The following KCNJ3 variants were observed in gnomAD, a reference collection of about 807,000 sequenced individuals.
The protein encoded by KCNJ3 is G protein-activated inward rectifier potassium channel 1.
KCNJ3 carries 4 observed loss-of-function variants against 39.2 expected under a neutral mutation model. The ratio of observed to expected loss-of-function variants is 0.10; its 90% CI spans 0.05 to 0.23. The LOEUF is 0.23. Among genes scored for constraint, KCNJ3 ranks in the 10% least tolerant of loss-of-function variants. The pLI is 1.00. For missense variants in KCNJ3, 276 were observed against 634.9 expected (o/e 0.43, Z 6.08); for synonymous variants, 230 against 237.4 (o/e 0.97, Z 0.29).
intron 2 of KCNJ3, among the ~76,000 whole-genome samples, chr2:154,746,662 G>T (rs1473459636): frequency 6.7e-6 from 1 of 149,516 alleles, no homozygotes; most frequent in Non-Finnish European, 1.5e-5. Context: ...GTGTGTGTGT[G>T]TGTGTGTGTG....
intron 2 of KCNJ3, among the ~76,000 whole-genome samples, chr2:154,812,820 C>A (rs1014911710): frequency 7.2e-5 from 11 of 152,010 alleles, no homozygotes; most frequent in African/African-American, 2.7e-4. Context: ...TTTGCTAGGT[C>A]ATATGTCAAA....
chr2:154,764,429 A>G (rs1259044832), intron 2 of KCNJ3, among the ~76,000 whole-genome samples: 1 of 152,208 alleles, frequency 6.6e-6, no homozygotes, highest in Non-Finnish European at 1.5e-5. Flanking sequence ...CATATTTCAC[A>G]GAAGAAAATG....
chr2:154,715,436 A>G (rs755342356), intron 2 of KCNJ3, among the ~76,000 whole-genome samples: 12 of 152,168 alleles, frequency 7.9e-5, no homozygotes, highest in Admixed American at 1.3e-4. Flanking sequence ...TTCACTGCCT[A>G]GGATAGGATT....
chr2:154,758,926 A>G (rs1176971027), intron 2 of KCNJ3, among the ~76,000 whole-genome samples: 1 of 152,182 alleles, frequency 6.6e-6, no homozygotes, highest in Non-Finnish European at 1.5e-5. Context: ...CTTTTTCTTC[A>G]GGGCATTATG....
chr2:154,742,759 T>C (rs1685673689), intron 2 of KCNJ3, among the ~76,000 whole-genome samples: 1 of 151,914 alleles, frequency 6.6e-6, no homozygotes, highest in Admixed American at 6.6e-5. Flanking sequence ...ATTCTCTCTA[T>C]ACATCAGATG....
intron 2 of KCNJ3, among the ~76,000 whole-genome samples, chr2:154,811,528 G>T (rs1687007807): frequency 6.6e-6 from 1 of 152,106 alleles, no homozygotes. Context: ...TCCTGACCTT[G>T]TGATCCGCCC....
At chr2:154,815,006 G>A (rs1156635456) in intron 2 of KCNJ3, among the ~76,000 whole-genome samples, 3 of 152,184 alleles carry the variant, frequency 2.0e-5, no homozygotes, top group South Asian at 4.1e-4. Flanking sequence ...GTTAAAGCAG[G>A]CACCATGATT....
chr2:154,753,897 G>A (rs958852431), intron 2 of KCNJ3, among the ~76,000 whole-genome samples: 11 of 152,100 alleles, frequency 7.2e-5, no homozygotes, highest in Admixed American at 4.6e-4. Flanking sequence ...AATTAGCAGA[G>A]TTCCCACTTA....
chr2:154,855,839 A>G lies in KCNJ3; in HGVS notation c.*526A>G. The G allele has an allele frequency of 6.6e-6, 1 of 152,520 alleles. No individual in the cohort carries two copies. The allele number at this position is 152,520 out of a possible 1,614,324, so 9.4% of individuals were successfully genotyped here. On this transcript the variant is annotated 3_prime_UTR_variant, in exon 3 of 3. Transcript: ENST00000295101. ...TGATAAAATTGTGATGTTTTGTTCA[A>G]AGTTGTAGTTCTTGTGCATGTTTAC...
intron 2 of KCNJ3, among the ~76,000 whole-genome samples, chr2:154,844,768 A>T (rs979644051): frequency 2.6e-5 from 4 of 152,158 alleles, no homozygotes; most frequent in Non-Finnish European, 4.4e-5. Context: ...CATGGGAGAG[A>T]ATTACCTTGT....
chr2:154,719,295 C>T (rs1685229458), intron 2 of KCNJ3, among the ~76,000 whole-genome samples: 1 of 152,116 alleles, frequency 6.6e-6, no homozygotes, highest in African/African-American at 2.4e-5. Context: ...ACTGCAATAG[C>T]TTGACTTAAC....
chr2:154,823,760 A>T (rs183257016), intron 2 of KCNJ3, among the ~76,000 whole-genome samples: 109 of 152,150 alleles, frequency 7.2e-4, no homozygotes, highest in African/African-American at 2.3e-3. Flanking sequence ...TATACATCTT[A>T]GTTTATTTAT....
At chr2:154,720,380 T>A (rs941738724) in intron 2 of KCNJ3, among the ~76,000 whole-genome samples, 1 of 152,044 alleles carries the variant, frequency 6.6e-6, no homozygotes, top group African/African-American at 2.4e-5. Context: ...AAGAGCTATG[T>A]CTAGACCATT....
intron 2 of KCNJ3, among the ~76,000 whole-genome samples, chr2:154,740,340 A>T (rs1405681035): frequency 3.9e-5 from 6 of 152,028 alleles, no homozygotes; most frequent in African/African-American, 1.4e-4. Context: ...TCAGTAGAGT[A>T]CAGATTTTAC....
In KCNJ3 at chr2:154,698,748, G is replaced by A; in HGVS notation, c.-28G>A. 4 of 1,479,154 alleles carry A rather than the reference G, an allele frequency of 2.7e-6. No individual in the cohort carries two copies. The highest frequency in any genetic ancestry group is 3.7e-6 in the Non-Finnish European group (4 of 1,080,988). The allele number at this position is 1,479,154 out of a possible 1,614,324, so 91.6% of individuals were successfully genotyped here. A position where few individuals can be genotyped will look rare whatever the true frequency, so the allele number is the denominator to read the frequency against. On this transcript the variant is annotated 5_prime_UTR_variant, in exon 1 of 3. Transcript: ENST00000295101. The stretch of plus-strand genomic sequence containing the variant: ...CCCAGCTCCTGCGCCTTCGCTTCGC[G>A]TTTGAATCTGGCTCGCCCCTTCGTA...
At chr2:154,701,761 A>G (rs971799860) in intron 1 of KCNJ3, among the ~76,000 whole-genome samples, 1 of 152,070 alleles carries the variant, frequency 6.6e-6, no homozygotes, top group African/African-American at 2.4e-5. Context: ...AGAAGTAAAC[A>G]CGATTTACCT....
chr2:154,766,649 G>A (rs906416784), intron 2 of KCNJ3, among the ~76,000 whole-genome samples: 8 of 151,928 alleles, frequency 5.3e-5, no homozygotes, highest in Non-Finnish European at 8.8e-5. Context: ...CTCCACCACC[G>A]GGTTCGACTG....
chr2:154,747,949 C>T (rs968899797), intron 2 of KCNJ3, among the ~76,000 whole-genome samples: 17 of 151,728 alleles, frequency 1.1e-4, no homozygotes, highest in African/African-American at 3.9e-4. Context: ...CAGTTCTTAC[C>T]AAACCCAATG....
intron 2 of KCNJ3, among the ~76,000 whole-genome samples, chr2:154,743,185 G>A (rs778482959): frequency 7.2e-5 from 11 of 151,792 alleles, no homozygotes; most frequent in Non-Finnish European, 1.2e-4. Context: ...ATATACATAA[G>A]AGTTTATTTC....
Sources: gnomAD v4.1 joint callset for allele counts (sites outside exome capture counted in the v4.1 genomes callset) on GRCh38, gnomAD v4.1.1 for gene constraint, MANE v1.5 for transcripts, NCBI Gene and HGNC (gene_info 2026-07-23, HGNC 2026-07-21) for gene names.